The following TMEM175 variants were observed in gnomAD, a reference collection of about 807,000 sequenced individuals.
TMEM175 encodes transmembrane protein 175.
A neutral mutation model predicts 36.5 loss-of-function variants in TMEM175; 36 were observed. That is an observed-to-expected ratio of 0.99 (90% CI 0.76 to 1.30). The LOEUF (loss-of-function observed/expected upper bound fraction) is 1.30. Among genes scored for constraint, TMEM175 ranks in the 50% most tolerant of loss-of-function variants. The pLI is 0.00. For synonymous variants in TMEM175, 339 were observed against 313.4 expected, an observed-to-expected ratio of 1.08 and a Z score of -0.86; for missense variants, 705 against 692.8, an observed-to-expected ratio of 1.02 and a Z score of -0.20.
intron 1 of TMEM175, among the ~76,000 whole-genome samples, chr4:942,636 C>CTTTTTTTTTTTT (rs879382397): frequency 1.5e-5 from 2 of 137,704 alleles, no homozygotes; most frequent in South Asian, 2.3e-4. Context: ...CTTGAATTTT[C>CTTTTTTTTTTTT]TTTTTTTTTT....
At chr4:951,525 C>T (rs1046587352) in intron 5 of TMEM175, 157 bp from the exon 6 acceptor site, 1 of 940,764 alleles carries the variant, frequency 1.1e-6, no homozygotes, top group African/African-American at 1.6e-5. Context: ...TGAGTGCCCC[C>T]ATCTGGCCCT....
At chr4:943,700 G>A (rs1171525030) in intron 1 of TMEM175, among the ~76,000 whole-genome samples, 1 of 152,168 alleles carries the variant, frequency 6.6e-6, no homozygotes, top group Non-Finnish European at 1.5e-5. Flanking sequence ...CTTACAATAC[G>A]ACCCAGCAAA....
chr4:955,370 T>C, intron 8 of TMEM175, 35 bp from the exon 9 acceptor site: 1 of 1,577,286 alleles, frequency 6.3e-7, no homozygotes, highest in Non-Finnish European at 8.7e-7. Flanking sequence ...CGGACCCCTG[T>C]GGAGGGCACT....
Position 958,029 on chromosome 4 carries a change from G to A in TMEM175, c.1048G>A (p.Ala350Thr). 1 of 1,611,602 alleles carries A rather than the reference G, an allele frequency of 6.2e-7. No homozygotes were observed. Among genetic ancestry groups the A allele is most frequent in the Non-Finnish European group, 8.5e-7 (1 of 1,179,500 alleles). The change falls in exon 11 of 11, where the codon GCC becomes ACC. Residue 350 changes from alanine (A) to threonine (T), a missense_variant. Physicochemically the swap from Ala to Thr is moderately conservative, Grantham distance 58. Coordinates refer to ENST00000264771, the MANE Select transcript of TMEM175 (RefSeq NM_032326.4). ...GGGGCTGCTGAACACGCTCTCGCTG[G>A]CCTTCGTGGGTGGCCTCCCACTAGC... is the stretch of plus-strand genomic sequence containing the variant. ...AMGLLNTLSLAFVGGLPLAYQ... is the reference protein window; with the variant it reads ...AMGLLNTLSLTFVGGLPLAYQ...
In TMEM175 at chr4:958,454, C is replaced by G; in HGVS notation, c.1473C>G (p.Gly491=). The change falls in exon 11 of 11, where the codon GGC becomes GGG. Residue 491 remains glycine (G), a synonymous_variant. Transcript: ENST00000264771. The stretch of plus-strand genomic sequence containing the variant: ...AACACCCCCCGCCAGCCCCCACGGG[C>G]CAGGACGACCCACAGTCCCAGCTCC... ...RPEHPPPAPT[G]QDDPQSQLLP... 6.3e-7 allele frequency: 1 copy of G among 1,577,514 alleles called. No homozygotes were observed. The highest frequency in any genetic ancestry group is 8.6e-7 in the Non-Finnish European group (1 of 1,167,982).
rs572106452 is a variant in TMEM175, at chr4:950,344, C to A, written c.193-77C>A. ...TGCCCTGGGCCGAGGCCAGCCCCCC[C>A]TCACGGTGCTGTCTCGACTGCCATT... On this transcript the variant is annotated intron_variant, in intron 3 of 10. Coordinates refer to ENST00000264771, the MANE Select transcript of TMEM175 (RefSeq NM_032326.4). 94 of 1,234,304 alleles carry A rather than the reference C, an allele frequency of 7.6e-5. No individual in the cohort carries two copies. In the African/African-American group the frequency reaches 1.3e-3, roughly 17 times the overall value. 76.5% of individuals were successfully genotyped at this position (1,234,304 alleles called of 1,614,324 possible).
At chr4:941,785 T>C (rs1727541276) in intron 1 of TMEM175, among the ~76,000 whole-genome samples, 1 of 151,886 alleles carries the variant, frequency 6.6e-6, no homozygotes, top group South Asian at 2.1e-4. Context: ...AAAAATCAAT[T>C]TTGGCCAGGC....
rs775267397 is a variant in TMEM175, at chr4:947,901, G to C, written c.153+9G>C. 12 of 1,613,814 alleles carry C rather than the reference G, an allele frequency of 7.4e-6. No homozygotes were observed. The highest frequency in any genetic ancestry group is 1.6e-4 in the Middle Eastern group (1 of 6,062). The stretch of plus-strand genomic sequence containing the variant: ...TCATCGCCACCGTCATGGTCTGTAC[G>C]GGGCCCCTGCTTAGGCCTGCCCCAC... On this transcript the variant is annotated intron_variant, in intron 2 of 10. Transcript: ENST00000264771.
chr4:956,273 C>G, intron 10 of TMEM175: 1 of 1,276,974 alleles, frequency 7.8e-7, no homozygotes, highest in Non-Finnish European at 1.0e-6. Flanking sequence ...CTAGTCCCTC[C>G]CATTCCCTCC....
chr4:948,205 GT>G, intron 3 of TMEM175, 51 bp downstream of exon 3: 1 of 1,613,918 alleles, frequency 6.2e-7, no homozygotes, highest in Non-Finnish European at 8.5e-7. Context: ...AAGATATAGG[GT>G]CCCCGAGGCT....
At chr4:949,140 T>G (rs1728555038) in intron 3 of TMEM175, among the ~76,000 whole-genome samples, 1 of 152,144 alleles carries the variant, frequency 6.6e-6, no homozygotes, top group Admixed American at 6.5e-5. Context: ...CGTGAGGTAC[T>G]GGCCTTGGCT....
In TMEM175 at chr4:956,357, C is replaced by T. The variant is rs748106257; in HGVS notation, c.842+467C>T. On this transcript the variant is annotated intron_variant, in intron 10 of 10. Coordinates refer to ENST00000264771, the MANE Select transcript of TMEM175 (RefSeq NM_032326.4). ...TTGGCTGGCTGTTGCTTCCTTCCAG[C>T]GTCTGCTCCTCCGCGGCCTCATCTG... 2.6e-5 allele frequency: 34 copies of T among 1,290,790 alleles called. No individual in the cohort carries two copies. The South Asian group carries it at 4.1e-4, about 16-fold the overall frequency. The allele number at this position is 1,290,790 out of a possible 1,614,324, so 80.0% of individuals were successfully genotyped here.
In TMEM175 at chr4:933,481, A is replaced by AAAT. The variant is rs578024483; in HGVS notation, c.-32+960_-32+962dup. Among the ~76,000 whole-genome samples the AAAT allele has an allele frequency of 7.7e-4, 117 of 152,112 alleles. 2 individuals are homozygous for AAAT. Among genetic ancestry groups the AAAT allele is most frequent in the African/African-American group, 2.0e-3 (82 of 41,484 alleles). On this transcript the variant is annotated intron_variant, in intron 1 of 10. Transcript: ENST00000264771. The stretch of plus-strand genomic sequence containing the variant: ...AGCCTGAGACTCCGCCTCAAAAAAT[A>AAAT]AATAATAATAATAATAATAATTGAA...
At chr4:957,522 C>T (rs984646521) in intron 10 of TMEM175, among the ~76,000 whole-genome samples, 5 of 152,254 alleles carry the variant, frequency 3.3e-5, no homozygotes, top group South Asian at 2.1e-4. Flanking sequence ...AGGAGAGCCT[C>T]GGCCAGAGAG....
intron 9 of TMEM175, 135 bp downstream of exon 9, chr4:955,618 C>G (rs1415696397): frequency 1.4e-6 from 2 of 1,455,434 alleles, no homozygotes; most frequent in South Asian, 1.3e-5. Flanking sequence ...CACTCCGCCC[C>G]TCGGGCGTCC....
chr4:957,738 C>G, intron 10 of TMEM175, 86 bp from the exon 11 acceptor site: 1 of 1,354,760 alleles, frequency 7.4e-7, no homozygotes, highest in Non-Finnish European at 1.0e-6. Context: ...CAGATCCAGG[C>G]AGCCCTGACA....
intron 1 of TMEM175, among the ~76,000 whole-genome samples, chr4:934,265 C>T (rs986472618): frequency 6.6e-6 from 1 of 152,138 alleles, no homozygotes; most frequent in Non-Finnish European, 1.5e-5. Flanking sequence ...GTGTACTAGA[C>T]ATAAAGAGGT....
intron 10 of TMEM175, chr4:956,499 G>A (rs1353282783): frequency 4.0e-6 from 5 of 1,255,566 alleles, no homozygotes; most frequent in African/African-American, 1.6e-5. Context: ...CTGGAGTATA[G>A]TGGCTCAAGC....
At chr4:949,659 T>C (rs1039890277) in intron 3 of TMEM175, among the ~76,000 whole-genome samples, 3 of 150,674 alleles carry the variant, frequency 2.0e-5, no homozygotes, top group African/African-American at 7.5e-5. Context: ...GACAGTAAAG[T>C]GCTCAGTGTT....
Sources: gnomAD v4.1 joint callset for allele counts (sites outside exome capture counted in the v4.1 genomes callset) on GRCh38, gnomAD v4.1.1 for gene constraint, MANE v1.5 for transcripts, NCBI Gene and HGNC (gene_info 2026-07-23, HGNC 2026-07-21) for gene names.